The following EXT1 variants were observed in gnomAD, a reference collection of about 807,000 sequenced individuals.
EXT1 encodes exostosin-1.
A neutral mutation model predicts 82.5 loss-of-function variants in EXT1; 20 were observed. The observed-to-expected ratio is 0.24, with a 90% CI of 0.17 to 0.35. EXT1 has a LOEUF of 0.35. Ranked by LOEUF, EXT1 falls within the 10% of genes least tolerant of loss-of-function variation. EXT1 has a pLI of 1.00. For synonymous variants in EXT1, 348 were observed against 350.8 expected (o/e 0.99, Z 0.09); for missense variants, 757 against 936.5 (o/e 0.81, Z 2.50).
At chr8:118,010,357 G>C (rs1188119777) in intron 1 of EXT1, among the ~76,000 whole-genome samples, 1 of 147,712 alleles carries the variant, frequency 6.8e-6, no homozygotes, top group Admixed American at 6.7e-5. Flanking sequence ...GAGCGACAGA[G>C]GGAGACTCCG....
Position 117,932,561 on chromosome 8 carries a change from G to C in EXT1, c.963-95360C>G, listed in dbSNP as rs140339005. On this transcript the variant is annotated intron_variant, in intron 1 of 10. Coordinates refer to ENST00000378204, the MANE Select transcript of EXT1 (RefSeq NM_000127.3). ...AAACATAGTACTGCCCGCTCACCAG[G>C]GTTCTTGGGTCTGCCCACACCTCAC... Among the ~76,000 whole-genome samples, 1,367 of 152,140 alleles carry C rather than the reference G, an allele frequency of 9.0e-3. 11 individuals are homozygous for C. Among genetic ancestry groups the C allele is most frequent in the South Asian group, 0.042 (200 of 4,814 alleles).
intron 1 of EXT1, among the ~76,000 whole-genome samples, chr8:117,934,036 A>C (rs1033329088): frequency 6.6e-6 from 1 of 152,012 alleles, no homozygotes; most frequent in African/African-American, 2.4e-5. Context: ...TGGACACAGG[A>C]TATCTCTCCC....
chr8:117,799,567 CTTTTT>C lies in EXT1; in HGVS notation c.*140_*144del. 1.3e-6 allele frequency: 1 copy of C among 788,700 alleles called. No homozygotes were observed. The highest frequency in any genetic ancestry group is 2.0e-6 in the Non-Finnish European group (1 of 507,836). 48.9% of individuals were successfully genotyped at this position (788,700 alleles called of 1,614,324 possible). On this transcript the variant is annotated 3_prime_UTR_variant, in exon 11 of 11. Transcript: ENST00000378204. ...AGCCAGGAGTTGAGTTCTCATTGGC[CTTTTT>C]TTTTTTGTCATTCTGCTCATCTAAG... is the stretch of plus-strand genomic sequence containing the variant.
chr8:118,032,345 T>G (rs911805186), intron 1 of EXT1, among the ~76,000 whole-genome samples: 4 of 151,698 alleles, frequency 2.6e-5, no homozygotes, highest in African/African-American at 9.7e-5. Context: ...CAATCTGTGC[T>G]CCACAGAGTC....
At chr8:118,040,283 A>C (rs10505324) in intron 1 of EXT1, among the ~76,000 whole-genome samples, 6,663 of 152,220 alleles carry the variant, frequency 0.044, 485 homozygotes, top group African/African-American at 0.15. Context: ...GGGAATCCCA[A>C]GTGTATTTAA....
chr8:117,936,003 G>T (rs1006348220), intron 1 of EXT1, among the ~76,000 whole-genome samples: 3 of 152,196 alleles, frequency 2.0e-5, no homozygotes, highest in Non-Finnish European at 2.9e-5. Flanking sequence ...GTAGAAGGGT[G>T]TATGGTTGTT....
chr8:117,937,753 A>C (rs904858164), intron 1 of EXT1, among the ~76,000 whole-genome samples: 20 of 152,356 alleles, frequency 1.3e-4, no homozygotes, highest in African/African-American at 4.6e-4. Flanking sequence ...CCAGAGAGAG[A>C]GCACTGGATT....
At chr8:118,020,467 A>G (rs1586347191) in intron 1 of EXT1, among the ~76,000 whole-genome samples, 1 of 152,238 alleles carries the variant, frequency 6.6e-6, no homozygotes, top group Non-Finnish European at 1.5e-5. Flanking sequence ...AGATGCTATG[A>G]TAATCCTCTA....
At chr8:117,844,918 G>A (rs1009141493) in intron 1 of EXT1, among the ~76,000 whole-genome samples, 19 of 152,108 alleles carry the variant, frequency 1.2e-4, no homozygotes, top group Non-Finnish European at 2.5e-4. Context: ...TGTTAGAACT[G>A]CCACACCACT....
chr8:117,810,803 C>A (rs1322540554), intron 8 of EXT1, among the ~76,000 whole-genome samples: 1 of 152,164 alleles, frequency 6.6e-6, no homozygotes, highest in Non-Finnish European at 1.5e-5. Flanking sequence ...TGGACTGCAT[C>A]ACCTGGTTGG....
At chr8:117,915,808 A>G (rs1454777878) in intron 1 of EXT1, among the ~76,000 whole-genome samples, 1 of 152,156 alleles carries the variant, frequency 6.6e-6, no homozygotes, top group Non-Finnish European at 1.5e-5. Flanking sequence ...GTGAGCCAAG[A>G]TCATGCCACT....
intron 1 of EXT1, among the ~76,000 whole-genome samples, chr8:118,038,473 C>T (rs1190386064): frequency 6.6e-6 from 1 of 152,196 alleles, no homozygotes; most frequent in Non-Finnish European, 1.5e-5. Context: ...CCCAGACCTC[C>T]TCTCTGCTAG....
intron 1 of EXT1, among the ~76,000 whole-genome samples, chr8:118,063,604 C>T (rs911675781): frequency 6.6e-6 from 1 of 152,214 alleles, no homozygotes; most frequent in East Asian, 1.9e-4. Flanking sequence ...TGCTTCAGTT[C>T]TCTGTGAGAA....
In EXT1 at chr8:117,799,545, CAGGAGTT is replaced by C. The variant is rs1823131639; in HGVS notation, c.*160_*166del. On this transcript the variant is annotated 3_prime_UTR_variant, in exon 11 of 11. Coordinates refer to ENST00000378204, the MANE Select transcript of EXT1 (RefSeq NM_000127.3). The stretch of plus-strand genomic sequence containing the variant: ...AGCAGTCTGGTGCAGTCCCAGGAGC[CAGGAGTT>C]GAGTTCTCATTGGCCTTTTTTTTTT... 1 of 717,824 alleles carries C rather than the reference CAGGAGTT, an allele frequency of 1.4e-6. No individual in the cohort carries two copies. The highest frequency in any genetic ancestry group is 2.3e-6 in the Non-Finnish European group (1 of 430,112). 44.5% of individuals were successfully genotyped at this position (717,824 alleles called of 1,614,324 possible).
chr8:118,096,480 A>T (rs1817612258), intron 1 of EXT1, among the ~76,000 whole-genome samples: 2 of 152,026 alleles, frequency 1.3e-5, no homozygotes, highest in Admixed American at 6.5e-5. Context: ...AATTAGCTGG[A>T]TGTGGTGGTA....
At chr8:117,971,620 G>A (rs1036716209) in intron 1 of EXT1, among the ~76,000 whole-genome samples, 1 of 152,166 alleles carries the variant, frequency 6.6e-6, no homozygotes. Context: ...TCAATTACAA[G>A]GAGGTACAGA....
intron 1 of EXT1, among the ~76,000 whole-genome samples, chr8:118,084,746 A>C (rs1817388629): frequency 6.6e-6 from 1 of 151,802 alleles, no homozygotes; most frequent in Admixed American, 6.6e-5. Flanking sequence ...TTCAAATCCT[A>C]CTCCGCCCCT....
chr8:117,820,672 G>A (rs1003769297), intron 5 of EXT1, among the ~76,000 whole-genome samples: 14 of 151,796 alleles, frequency 9.2e-5, no homozygotes, highest in Non-Finnish European at 1.6e-4. Context: ...ACTCCAGCCT[G>A]GGCAACATAG....
chr8:117,800,099 T>C (rs1823143371), intron 10 of EXT1, among the ~76,000 whole-genome samples: 1 of 152,168 alleles, frequency 6.6e-6, no homozygotes, highest in Non-Finnish European at 1.5e-5. Flanking sequence ...TTCCTCAGTG[T>C]TAAAAACACA....
Sources: gnomAD v4.1 joint callset for allele counts (sites outside exome capture counted in the v4.1 genomes callset) on GRCh38, gnomAD v4.1.1 for gene constraint, MANE v1.5 for transcripts, NCBI Gene and HGNC (gene_info 2026-07-23, HGNC 2026-07-21) for gene names.